Variants in SP6 observed in about 807,000 individuals in gnomAD.
SP6 encodes the protein Sp6 transcription factor.
Under a neutral mutation model 23.4 loss-of-function variants are expected in SP6, and 10 were observed. The observed-to-expected ratio is 0.43, with a 90% CI of 0.26 to 0.72. The LOEUF is 0.72. Ranked by LOEUF, SP6 falls within the 30% of genes least tolerant of loss-of-function variation. The pLI, the probability that SP6 is intolerant of heterozygous loss-of-function variation, is 0.23. For synonymous variants in SP6, 238 were observed against 238.7 expected (o/e 1.00, Z 0.03); for missense variants, 482 against 523.8 (o/e 0.92, Z 0.78).
upstream of SP6, among the ~76,000 whole-genome samples, chr17:47,854,270 G>A (rs895867836): frequency 6.6e-6 from 1 of 152,178 alleles, no homozygotes; most frequent in Non-Finnish European, 1.5e-5. Flanking sequence ...TATTTACTGA[G>A]CACCTACTAT....
chr17:47,870,547 G>C, the SP6 span, among the ~76,000 whole-genome samples: 26 of 152,178 alleles, frequency 1.7e-4, no homozygotes, highest in South Asian at 5.4e-3. Context: ...GTCCTTGGAG[G>C]GGGTGAACAA....
At chr17:47,863,884 G>A in the SP6 span, among the ~76,000 whole-genome samples, 1 of 151,508 alleles carries the variant, frequency 6.6e-6, no homozygotes, top group African/African-American at 2.4e-5. Context: ...GACTACAGGT[G>A]CCCACCACCA....
rs1419319864 is a variant in SP6, at chr17:47,845,392, C to A, written c.*1907G>T. On this transcript the variant is annotated 3_prime_UTR_variant, in exon 2 of 2. Transcript: ENST00000536300. ...GGAAGGGGATCTCTGGTTGGGTTAG[C>A]AGGAGGTAGGGAAAAGAGAAAGAAA... The A allele has an allele frequency of 6.6e-6, 1 of 152,198 alleles. No individual in the cohort carries two copies. The highest frequency in any genetic ancestry group is 6.5e-5 in the Admixed American group (1 of 15,282). The allele number at this position is 152,198 out of a possible 1,614,324, so 9.4% of individuals were successfully genotyped here. A position where few individuals can be genotyped will look rare whatever the true frequency, so the allele number is the denominator to read the frequency against.
upstream of SP6, among the ~76,000 whole-genome samples, chr17:47,854,629 GA>G (rs2033985121): frequency 1.3e-5 from 2 of 152,158 alleles, no homozygotes; most frequent in South Asian, 4.1e-4. Context: ...ATCCCATCTT[GA>G]ATTGCTGAGA....
the SP6 span, chr17:47,865,085 C>T: frequency 6.6e-6 from 1 of 152,232 alleles, no homozygotes; most frequent in African/African-American, 2.4e-5. Flanking sequence ...GAGAAACCTT[C>T]TCCTGCCTGC....
chr17:47,857,856 G>A (rs2034009358), upstream of SP6, among the ~76,000 whole-genome samples: 1 of 152,112 alleles, frequency 6.6e-6, no homozygotes, highest in African/African-American at 2.4e-5. Context: ...CAGTGGGGCT[G>A]AGGGTAGATT....
Position 47,846,412 on chromosome 17 carries a change from A to T in SP6, c.*887T>A, listed in dbSNP as rs2033885334. The T allele has an allele frequency of 6.6e-6, 1 of 152,200 alleles. No individual in the cohort carries two copies. The highest frequency in any genetic ancestry group is 1.5e-5 in the Non-Finnish European group (1 of 68,072). 9.4% of individuals were successfully genotyped at this position (152,200 alleles called of 1,614,324 possible). ...CTACCGCTGGCTGCCTTGAAAACAC[A>T]CCTAGGGTAATAGATGGGGAATGTG... is the stretch of plus-strand genomic sequence containing the variant. On this transcript the variant is annotated 3_prime_UTR_variant, in exon 2 of 2. Coordinates refer to ENST00000536300, the MANE Select transcript of SP6 (RefSeq NM_001258248.2).
upstream of SP6, among the ~76,000 whole-genome samples, chr17:47,854,350 G>A (rs779319749): frequency 2.6e-5 from 4 of 152,258 alleles, no homozygotes; most frequent in South Asian, 2.1e-4. Flanking sequence ...TATTATTCCC[G>A]TTGTACAGAT....
At chr17:47,864,125 T>C in the SP6 span, among the ~76,000 whole-genome samples, 1 of 151,456 alleles carries the variant, frequency 6.6e-6, no homozygotes, top group Non-Finnish European at 1.5e-5. Flanking sequence ...ATTACAGGCG[T>C]GAGCCACCAC....
upstream of SP6, among the ~76,000 whole-genome samples, chr17:47,855,116 C>T (rs1367225428): frequency 1.3e-5 from 2 of 152,174 alleles, no homozygotes; most frequent in Non-Finnish European, 2.9e-5. Flanking sequence ...TTATAAATTT[C>T]AAAATCCCTA....
Position 47,845,379 on chromosome 17 carries a change from C to G in SP6, c.*1920G>C, listed in dbSNP as rs2033874056. On this transcript the variant is annotated 3_prime_UTR_variant, in exon 2 of 2. Transcript: ENST00000536300. The stretch of plus-strand genomic sequence containing the variant: ...ACCCTCTCAGCAAGGAAGGGGATCT[C>G]TGGTTGGGTTAGCAGGAGGTAGGGA... 1 of 152,198 alleles carries G rather than the reference C, an allele frequency of 6.6e-6. No individual in the cohort carries two copies. Among genetic ancestry groups the G allele is most frequent in the Admixed American group, 6.5e-5 (1 of 15,286 alleles). 9.4% of individuals were successfully genotyped at this position (152,198 alleles called of 1,614,324 possible).
chr17:47,874,650 C>T, the SP6 span, among the ~76,000 whole-genome samples: 5 of 152,128 alleles, frequency 3.3e-5, no homozygotes, highest in African/African-American at 1.2e-4. Flanking sequence ...GCTCACTGGT[C>T]CTGTACGTTT....
chr17:47,865,755 G>A, the SP6 span, among the ~76,000 whole-genome samples: 3 of 152,090 alleles, frequency 2.0e-5, no homozygotes, highest in Non-Finnish European at 4.4e-5. Context: ...CTATCCCTAG[G>A]GGCAAAGTCT....
rs1479193378 is a variant in SP6, at chr17:47,845,153, C to G, written c.*2146G>C. ...TTGGGGCTTCCATTGGGGGGAGCAT[C>G]TGTGTCCACCAGCAACACCCATTTG... On this transcript the variant is annotated 3_prime_UTR_variant, in exon 2 of 2. Coordinates refer to ENST00000536300, the MANE Select transcript of SP6 (RefSeq NM_001258248.2). 1 of 152,232 alleles carries G rather than the reference C, an allele frequency of 6.6e-6. No individual in the cohort carries two copies. The highest frequency in any genetic ancestry group is 2.4e-5 in the African/African-American group (1 of 41,438). The allele number at this position is 152,232 out of a possible 1,614,324, so 9.4% of individuals were successfully genotyped here.
At chr17:47,857,712 G>A (rs142544635), upstream of SP6, among the ~76,000 whole-genome samples, 276 of 152,276 alleles carry the variant, frequency 1.8e-3, 3 homozygotes, top group African/African-American at 6.2e-3. Context: ...AGTGATGGGC[G>A]GGAGAGAGGA....
the SP6 span, among the ~76,000 whole-genome samples, chr17:47,872,923 G>C: frequency 6.6e-6 from 1 of 152,198 alleles, no homozygotes; most frequent in Non-Finnish European, 1.5e-5. Flanking sequence ...CCTGGGACCG[G>C]GGCTGGAGAG....
chr17:47,865,236 CAGG>C, the SP6 span: 2 of 152,146 alleles, frequency 1.3e-5, no homozygotes, highest in Non-Finnish European at 2.9e-5. Flanking sequence ...TGCTCTTGTG[CAGG>C]AGGAGGGGAA....
At chr17:47,869,177 G>A in the SP6 span, among the ~76,000 whole-genome samples, 1 of 152,224 alleles carries the variant, frequency 6.6e-6, no homozygotes. Context: ...CTTTGGGCCT[G>A]AAGGGACAGG....
rs1567962020 is a variant in SP6 at position 47,850,960 on chromosome 17, C to T, written c.-99G>A. 1.3e-5 allele frequency: 2 copies of T among 152,458 alleles called. No homozygotes were observed. Among genetic ancestry groups the T allele is most frequent in the African/African-American group, 2.4e-5 (1 of 41,466 alleles). The allele number at this position is 152,458 out of a possible 1,614,324, so 9.4% of individuals were successfully genotyped here. ...GCTCCGGGCACGGCTGGCTGGTGCG[C>T]TACTGACGGTCGCTCATAGGCCCTG... is the stretch of plus-strand genomic sequence containing the variant. On this transcript the variant is annotated 5_prime_UTR_variant, in exon 1 of 2. It removes the in-frame stop codon of an upstream open reading frame in the 5' UTR. Transcript: ENST00000536300.
Sources: gnomAD v4.1 joint callset for allele counts (sites outside exome capture counted in the v4.1 genomes callset) on GRCh38, gnomAD v4.1.1 for gene constraint, MANE v1.5 for transcripts, NCBI Gene and HGNC (gene_info 2026-07-23, HGNC 2026-07-21) for gene names.